The following SNX30 variants were observed in gnomAD, a reference collection of about 807,000 sequenced individuals.
SNX30 encodes sorting nexin-30.
Under a neutral mutation model 46.4 loss-of-function variants are expected in SNX30, and 24 were observed. The ratio of observed to expected loss-of-function variants is 0.52; its 90% CI spans 0.37 to 0.73. SNX30 has a LOEUF of 0.73. Ranked by LOEUF, SNX30 falls within the 30% of genes least tolerant of loss-of-function variation. The pLI, the probability that SNX30 is intolerant of heterozygous loss-of-function variation, is 0.00. For synonymous variants in SNX30, 189 were observed against 211.5 expected (o/e 0.89, Z 0.92); for missense variants, 533 against 555.7 (o/e 0.96, Z 0.41).
At chr9:112,885,607 G>A (rs576813342), downstream of SNX30, 5 of 152,108 alleles carry the variant, frequency 3.3e-5, no homozygotes, top group African/African-American at 7.2e-5. Context: ...GAAATGTGAC[G>A]TCCAAATCTA....
At chr9:112,760,021 T>C (rs1165630896) in intron 1 of SNX30, among the ~76,000 whole-genome samples, 1 of 152,212 alleles carries the variant, frequency 6.6e-6, no homozygotes, top group African/African-American at 2.4e-5. Flanking sequence ...TTTTGGCCTA[T>C]GCTTTGTCGA....
At chr9:112,856,355 G>A (rs1008227796) in intron 7 of SNX30, among the ~76,000 whole-genome samples, 1 of 150,780 alleles carries the variant, frequency 6.6e-6, no homozygotes, top group African/African-American at 2.4e-5. Context: ...GTGTGTGTAT[G>A]GGGAGGGCAC....
At chr9:112,876,758 G>A (rs1249885346), downstream of SNX30, among the ~76,000 whole-genome samples, 2 of 151,510 alleles carry the variant, frequency 1.3e-5, no homozygotes, top group East Asian at 1.9e-4. Flanking sequence ...CCAACATGGC[G>A]AAACCTGTCT....
chr9:112,858,651 T>C (rs1841174383), intron 7 of SNX30, among the ~76,000 whole-genome samples: 1 of 152,176 alleles, frequency 6.6e-6, no homozygotes, highest in Non-Finnish European at 1.5e-5. Context: ...CTCCCCTTCT[T>C]CAAGTTGGGG....
chr9:112,850,252 T>C (rs190763139), intron 6 of SNX30, among the ~76,000 whole-genome samples: 1 of 152,326 alleles, frequency 6.6e-6, no homozygotes, highest in East Asian at 1.9e-4. Context: ...TGCACAGGTA[T>C]AGCCCCTTTA....
chr9:112,838,474 A>G (rs747165559), intron 5 of SNX30, 24 bp from the exon 6 acceptor site: 1 of 1,581,008 alleles, frequency 6.3e-7, no homozygotes. Flanking sequence ...GCCAGATTTT[A>G]ATTAGTTTCT....
intron 1 of SNX30, among the ~76,000 whole-genome samples, chr9:112,756,010 A>G (rs1240076851): frequency 6.6e-6 from 1 of 152,172 alleles, no homozygotes; most frequent in Non-Finnish European, 1.5e-5. Flanking sequence ...GAATGAGGAA[A>G]GGAATTTTTT....
In SNX30 at chr9:112,850,902, C is replaced by A; in HGVS notation, c.1058C>A (p.Ala353Asp). Residue 353 changes from alanine (A) to aspartate (D), a missense_variant, in exon 7 of 9, where the codon GCC (alanine) becomes GAC (aspartate). Around this residue, in one of 3 missense-constraint regions of SNX30, gnomAD observed 261 missense variants for 270.9 expected, o/e 0.96. Coordinates refer to ENST00000374232, the MANE Select transcript of SNX30 (RefSeq NM_001012994.2). ...KRDQVQAEYE[A>D]KLEAVALRKE... ...GACCAAGTTCAAGCAGAGTATGAAGCCAAACTGGAAGCTGTGGCTCTGCGG... is the reference window on the plus strand; with the variant it reads ...GACCAAGTTCAAGCAGAGTATGAAGACAAACTGGAAGCTGTGGCTCTGCGG... 2.5e-6 allele frequency: 4 copies of A among 1,613,958 alleles called. No homozygotes were observed. Among genetic ancestry groups the A allele is most frequent in the Non-Finnish European group, 3.4e-6 (4 of 1,179,976 alleles).
intron 7 of SNX30, among the ~76,000 whole-genome samples, chr9:112,851,458 A>C (rs1841024753): frequency 6.6e-6 from 1 of 152,232 alleles, no homozygotes; most frequent in Non-Finnish European, 1.5e-5. Flanking sequence ...TCTGCACGGC[A>C]GGACTACAGC....
At chr9:112,865,096 A>G (rs1176140195) in intron 8 of SNX30, among the ~76,000 whole-genome samples, 1 of 93,544 alleles carries the variant, frequency 1.1e-5, no homozygotes, top group Non-Finnish European at 2.0e-5. Flanking sequence ...CATACACCAC[A>G]CACCCCCCAT....
At chr9:112,857,794 A>ATCC (rs879736548) in intron 7 of SNX30, among the ~76,000 whole-genome samples, 19,742 of 148,432 alleles carry the variant, frequency 0.13, 1,404 homozygotes, top group African/African-American at 0.17. Flanking sequence ...CCATCCATCC[A>ATCC]ACCATCCATC....
chr9:112,750,126 G>T (rs1839240827), upstream of SNX30, among the ~76,000 whole-genome samples: 1 of 152,162 alleles, frequency 6.6e-6, no homozygotes, highest in African/African-American at 2.4e-5. Flanking sequence ...TTGAAGAGTC[G>T]CATATCATTT....
chr9:112,833,412 G>T (rs62576429), intron 4 of SNX30, among the ~76,000 whole-genome samples: 1 of 152,104 alleles, frequency 6.6e-6, no homozygotes, highest in African/African-American at 2.4e-5. Flanking sequence ...AACACCCAGC[G>T]CTTTGGGAGG....
chr9:112,756,675 G>A (rs912787236), intron 1 of SNX30, among the ~76,000 whole-genome samples: 20 of 152,134 alleles, frequency 1.3e-4, no homozygotes, highest in Admixed American at 1.3e-3. Context: ...TGGCCAGGCT[G>A]GTCTCGAACT....
intron 2 of SNX30, among the ~76,000 whole-genome samples, chr9:112,810,105 T>C (rs1840296906): frequency 6.6e-6 from 1 of 152,186 alleles, no homozygotes; most frequent in Admixed American, 6.5e-5. Flanking sequence ...TCTTTGCTTA[T>C]ATCTGGAGTT....
At position 112,784,054 on chromosome 9, in the gene SNX30, C is replaced by G. The variant is rs977056188; in HGVS notation, c.157-20722C>G. On this transcript the variant is annotated intron_variant, in intron 1 of 8. Coordinates refer to ENST00000374232, the MANE Select transcript of SNX30 (RefSeq NM_001012994.2). ...GCTAGAATAATAGCAGTTTCTAATC[C>G]TCTGTAATTTACCTGAATTGAAACA... Among the ~76,000 whole-genome samples, 7 of 152,262 alleles carry G rather than the reference C, an allele frequency of 4.6e-5. No homozygotes were observed. The South Asian group carries it at 8.3e-4, about 18-fold the overall frequency.
chr9:112,750,983 G>T lies in SNX30; in HGVS notation c.-19G>T. On this transcript the variant is annotated 5_prime_UTR_variant, in exon 1 of 9. Coordinates refer to ENST00000374232, the MANE Select transcript of SNX30 (RefSeq NM_001012994.2). ...CAGCAGGAGGAAGCGGCGGCGGCGC[G>T]TCCCGAGCGGTGCGCGCCATGGCGG... is the stretch of plus-strand genomic sequence containing the variant. The T allele has an allele frequency of 4.9e-6, 6 of 1,233,694 alleles. No homozygotes were observed. The highest frequency in any genetic ancestry group is 6.1e-6 in the Non-Finnish European group (6 of 989,192). The allele number at this position is 1,233,694 out of a possible 1,614,324, so 76.4% of individuals were successfully genotyped here.
chr9:112,829,073 G>A (rs1840621092), intron 3 of SNX30, among the ~76,000 whole-genome samples: 1 of 152,216 alleles, frequency 6.6e-6, no homozygotes, highest in Middle Eastern at 3.4e-3. Flanking sequence ...CCATGATGTA[G>A]CATGTTTTAG....
chr9:112,867,644 C>T (rs1841383333), intron 8 of SNX30, among the ~76,000 whole-genome samples: 1 of 150,188 alleles, frequency 6.7e-6, no homozygotes, highest in Non-Finnish European at 1.5e-5. Context: ...CTCCTCCCGC[C>T]TCCTCAGAAC....
Sources: gnomAD v4.1 joint callset for allele counts (sites outside exome capture counted in the v4.1 genomes callset) on GRCh38, gnomAD v4.1.1 for gene constraint, gnomAD v4.1.1 regional missense constraint, MANE v1.5 for transcripts, NCBI Gene and HGNC (gene_info 2026-07-23, HGNC 2026-07-21) for gene names.